EIF4ENIF1: variants seen among roughly 807,000 people sequenced by gnomAD.
The protein encoded by EIF4ENIF1 is eukaryotic translation initiation factor 4E nuclear import factor 1.
EIF4ENIF1 carries 23 observed loss-of-function variants against 110.5 expected under a neutral mutation model. The ratio of observed to expected loss-of-function variants is 0.21; its 90% CI spans 0.15 to 0.29. The LOEUF is 0.29. EIF4ENIF1 is among the 10% of genes least tolerant of loss of function. EIF4ENIF1 has a pLI of 1.00. For missense variants in EIF4ENIF1, 1,031 were observed against 1,221.1 expected (o/e 0.84, Z 2.32); for synonymous variants, 440 against 437.0 (o/e 1.01, Z -0.09).
At chr22:31,488,530 G>A in intron 2 of EIF4ENIF1, 93 bp downstream of exon 2, 1 of 1,538,288 alleles carries the variant, frequency 6.5e-7, no homozygotes, top group South Asian at 1.2e-5. Flanking sequence ...GAGTCAGAAT[G>A]AGATTACCAC....
intron 10 of EIF4ENIF1, among the ~76,000 whole-genome samples, chr22:31,453,938 T>C (rs2050746414): frequency 6.6e-6 from 1 of 152,154 alleles, no homozygotes; most frequent in South Asian, 2.1e-4. Flanking sequence ...TCACCCACAA[T>C]ACATATAAAT....
At chr22:31,450,616 C>G (rs1320505102) in intron 10 of EIF4ENIF1, 10 of 353,274 alleles carry the variant, frequency 2.8e-5, no homozygotes, top group Non-Finnish European at 5.4e-5. Context: ...GTCCATTTCC[C>G]TGTTTCTAAC....
At position 31,443,474 on chromosome 22, in the gene EIF4ENIF1, C is replaced by T. The variant is rs149366554; in HGVS notation, c.2074-380G>A. 254 of 165,042 alleles carry T rather than the reference C, an allele frequency of 1.5e-3. 2 individuals are homozygous for T. The highest frequency in any genetic ancestry group is 6.5e-3 in the South Asian group (38 of 5,866). 10.2% of individuals were successfully genotyped at this position (165,042 alleles called of 1,614,324 possible). On this transcript the variant is annotated intron_variant, in intron 15 of 18. Coordinates refer to ENST00000330125, the MANE Select transcript of EIF4ENIF1 (RefSeq NM_019843.4). ...ATTACTCCATACTCCTAATATTTCC[C>T]TTAACTTGGCTACCAGAAAAGTCAA...
chr22:31,477,447 T>G (rs1310337690), intron 2 of EIF4ENIF1, among the ~76,000 whole-genome samples: 1 of 152,138 alleles, frequency 6.6e-6, no homozygotes, highest in African/African-American at 2.4e-5. Flanking sequence ...ATATAATCTT[T>G]CCTCTTAGAG....
At chr22:31,483,209 C>CTTTTTT (rs60986284) in intron 2 of EIF4ENIF1, among the ~76,000 whole-genome samples, 1 of 89,452 alleles carries the variant, frequency 1.1e-5, no homozygotes, top group African/African-American at 4.1e-5. Flanking sequence ...AGGAGACGAT[C>CTTTTTT]TTTTTTTTTT....
At chr22:31,453,376 CTT>C (rs749007679) in intron 10 of EIF4ENIF1, 9,926 of 314,054 alleles carry the variant, frequency 0.032, no homozygotes, top group South Asian at 0.047. Context: ...ACCCATCTTA[CTT>C]TTTTTTTTTT....
intron 2 of EIF4ENIF1, among the ~76,000 whole-genome samples, chr22:31,487,848 G>A (rs1323122106): frequency 6.6e-6 from 1 of 150,976 alleles, no homozygotes; most frequent in Non-Finnish European, 1.5e-5. Flanking sequence ...ATGGATGTGT[G>A]CCCAACTAGG....
chr22:31,492,845 C>T (rs919741922), upstream of EIF4ENIF1, among the ~76,000 whole-genome samples: 6 of 152,106 alleles, frequency 3.9e-5, no homozygotes, highest in Non-Finnish European at 8.8e-5. Flanking sequence ...GATTCTCCTG[C>T]CTCAGCCTCC....
intron 6 of EIF4ENIF1, among the ~76,000 whole-genome samples, chr22:31,460,719 G>C (rs987971900): frequency 6.6e-6 from 1 of 151,884 alleles, no homozygotes. Flanking sequence ...GGCTGAGGCG[G>C]GTGGATCACG....
rs1569101896 is a variant in EIF4ENIF1 at position 31,477,383 on chromosome 22, AC to A, written c.97-5467del. 2.6e-3 allele frequency among the ~76,000 whole-genome samples: 184 copies of A among 71,454 alleles called. 7 individuals carry two copies. Among genetic ancestry groups the A allele is most frequent in the African/African-American group, 3.1e-3 (54 of 17,596 alleles). The allele number at this position is 71,454 out of a possible 152,430, so 46.9% of individuals were successfully genotyped here. A position where few individuals can be genotyped will look rare whatever the true frequency, so the allele number is the denominator to read the frequency against. On this transcript the variant is annotated intron_variant, in intron 2 of 18. Coordinates refer to ENST00000330125, the MANE Select transcript of EIF4ENIF1 (RefSeq NM_019843.4). ...AAAAAAAAAAAAAAAAACAAAAAAA[AC>A]AAAAAAAGAGAATTTGAAATTGAGA...
chr22:31,451,963 C>G (rs1255441150), intron 10 of EIF4ENIF1, among the ~76,000 whole-genome samples: 1 of 152,132 alleles, frequency 6.6e-6, no homozygotes, highest in Non-Finnish European at 1.5e-5. Context: ...CAAGAATACC[C>G]AAGTATTTTA....
intron 6 of EIF4ENIF1, among the ~76,000 whole-genome samples, chr22:31,458,876 T>C (rs935129663): frequency 6.6e-6 from 1 of 151,772 alleles, no homozygotes. Context: ...GTGGGGAGGA[T>C]TATGGTTCCC....
At chr22:31,488,327 G>T (rs117402178) in intron 2 of EIF4ENIF1, among the ~76,000 whole-genome samples, 1 of 152,024 alleles carries the variant, frequency 6.6e-6, no homozygotes, top group African/African-American at 2.4e-5. Context: ...ATCAATAAAC[G>T]TACCAATTAC....
In EIF4ENIF1 at chr22:31,463,695, C is replaced by A; in HGVS notation, c.571G>T (p.Asp191Tyr). The stretch of plus-strand genomic sequence containing the variant: ...AAAAGACAAACCCTGAAACGCTTGT[C>A]CTTGAAGTCCCTCTCTCGGTCTCTG... Reference protein sequence around the residue: ...RDRDRERDFKDKRFRREFGDS... With the variant: ...RDRDRERDFKYKRFRREFGDS... The change falls in exon 5 of 19, where the codon GAC (aspartate) becomes TAC (tyrosine). Residue 191 changes from aspartate (D) to tyrosine (Y), a missense_variant. This residue lies in a region of EIF4ENIF1 where 704 missense variants were observed against 879.7 expected (regional missense o/e 0.80). Coordinates refer to ENST00000330125, the MANE Select transcript of EIF4ENIF1 (RefSeq NM_019843.4). 1 of 1,606,824 alleles carries A rather than the reference C, an allele frequency of 6.2e-7. No individual in the cohort carries two copies. The highest frequency in any genetic ancestry group is 8.5e-7 in the Non-Finnish European group (1 of 1,176,528).
Position 31,458,945 on chromosome 22 carries a change from T to G in EIF4ENIF1, c.788-295A>C, listed in dbSNP as rs1023081525. Among the ~76,000 whole-genome samples the G allele has an allele frequency of 4.5e-5, 6 of 133,092 alleles. No individual in the cohort carries two copies. In the East Asian group the frequency reaches 1.5e-3, roughly 34 times the overall value. 87.3% of individuals were successfully genotyped at this position (133,092 alleles called of 152,430 possible). A position where few individuals can be genotyped will look rare whatever the true frequency, so the allele number is the denominator to read the frequency against. ...GGGGTCTTTTTTTTTTTTTTTTTTT[T>G]GAGATGGGGTCTTGCTCTGTTGCAC... On this transcript the variant is annotated intron_variant, in intron 6 of 18. Coordinates refer to ENST00000330125, the MANE Select transcript of EIF4ENIF1 (RefSeq NM_019843.4).
rs750581022 is a variant in EIF4ENIF1, at chr22:31,454,240, A to G, written c.1416T>C (p.Asn472=). ...LEETLSAVTN[N]RQLKKDGDMT... is the part of the protein sequence containing the mutation. Reference sequence around the variant, plus strand: ...TGTCTCCGTCTTTCTTCAGTTGTCGATTGTTGGTTACGGCACTCAAGGTCT... The same window carrying G: ...TGTCTCCGTCTTTCTTCAGTTGTCGGTTGTTGGTTACGGCACTCAAGGTCT... The change falls in exon 10 of 19, where the codon AAT becomes AAC. Residue 472 remains asparagine, a synonymous_variant. Transcript: ENST00000330125. The G allele has an allele frequency of 6.2e-7, 1 of 1,614,068 alleles. No homozygotes were observed. The highest frequency in any genetic ancestry group is 8.5e-7 in the Non-Finnish European group (1 of 1,180,026).
intron 2 of EIF4ENIF1, among the ~76,000 whole-genome samples, chr22:31,488,149 C>T (rs1279871562): frequency 6.6e-6 from 1 of 151,986 alleles, no homozygotes; most frequent in African/African-American, 2.4e-5. Context: ...AGTCCATATC[C>T]AATTTGTAAT....
chr22:31,462,847 T>C, intron 6 of EIF4ENIF1, 85 bp downstream of exon 6: 2 of 1,401,246 alleles, frequency 1.4e-6, no homozygotes, highest in Non-Finnish European at 9.8e-7. Context: ...CCTCCCAAAG[T>C]GTTGGGATTA....
At position 31,444,680 on chromosome 22, in the gene EIF4ENIF1, C is replaced by T. The variant is rs1005066393; in HGVS notation, c.1999G>A (p.Val667Met). The change falls in exon 15 of 19, where the codon GTG becomes ATG. Residue 667 changes from valine (V) to methionine (M), a missense_variant. Around this residue, in one of 3 missense-constraint regions of EIF4ENIF1, gnomAD observed 704 missense variants for 879.7 expected, o/e 0.80. Coordinates refer to ENST00000330125, the MANE Select transcript of EIF4ENIF1 (RefSeq NM_019843.4). ...TGCACGGGTGCTGGTGACTTGGTCA[C>T]TCGCTGTTGCCTGTGAACAAACCAA... ...RDGFRNRQQR[V>M]TKSPAPVHRG... is the part of the protein sequence containing the mutation. 6.2e-7 allele frequency: 1 copy of T among 1,613,982 alleles called. No homozygotes were observed. The highest frequency in any genetic ancestry group is 1.7e-5 in the Admixed American group (1 of 59,996).
Sources: gnomAD v4.1 joint callset for allele counts (sites outside exome capture counted in the v4.1 genomes callset) on GRCh38, gnomAD v4.1.1 for gene constraint, gnomAD v4.1.1 regional missense constraint, MANE v1.5 for transcripts, NCBI Gene and HGNC (gene_info 2026-07-23, HGNC 2026-07-21) for gene names.